The following THAP5 variants were observed in gnomAD, a reference collection of about 807,000 sequenced individuals.
The protein encoded by THAP5 is THAP domain-containing protein 5.
A neutral mutation model predicts 34.0 loss-of-function variants in THAP5; 26 were observed. The ratio of observed to expected loss-of-function variants is 0.77; its 90% CI spans 0.56 to 1.06. The LOEUF (loss-of-function observed/expected upper bound fraction) is 1.06. THAP5 is among the 50% of genes least tolerant of loss of function. The pLI, the probability that THAP5 is intolerant of heterozygous loss-of-function variation, is 0.00. For synonymous variants in THAP5, 125 were observed against 153.0 expected, an observed-to-expected ratio of 0.82 and a Z score of 1.35; for missense variants, 394 against 452.8, an observed-to-expected ratio of 0.87 and a Z score of 1.18.
rs112709864 is a variant in THAP5, at chr7:108,563,462, C to A, written c.*729G>T. On this transcript the variant is annotated 3_prime_UTR_variant, in exon 3 of 3. Coordinates refer to ENST00000415914, the MANE Select transcript of THAP5 (RefSeq NM_001130475.3). ...CTGAGGCAGAAGAATCACTTGAACC[C>A]GGGAGGCAGAGGCTGCAGTGAGCCA... 1.5e-5 allele frequency: 2 copies of A among 135,582 alleles called. No individual in the cohort carries two copies. Among genetic ancestry groups the A allele is most frequent in the African/African-American group, 5.3e-5 (2 of 37,494 alleles). 8.4% of individuals were successfully genotyped at this position (135,582 alleles called of 1,614,324 possible). A position where few individuals can be genotyped will look rare whatever the true frequency, so the allele number is the denominator to read the frequency against.
chr7:108,552,294 C>A (rs1378358512), downstream of THAP5, among the ~76,000 whole-genome samples: 1 of 152,170 alleles, frequency 6.6e-6, no homozygotes, highest in Admixed American at 6.5e-5. Flanking sequence ...GCACCCCACA[C>A]TCCCCAATTC....
chr7:108,559,857 C>A (rs1218180401), downstream of THAP5, among the ~76,000 whole-genome samples: 2 of 152,036 alleles, frequency 1.3e-5, no homozygotes, highest in Admixed American at 1.3e-4. Flanking sequence ...AAAACTGCCC[C>A]CATGATCCAA....
downstream of THAP5, among the ~76,000 whole-genome samples, chr7:108,560,153 T>C (rs2286258): frequency 1.6e-4 from 25 of 152,360 alleles, no homozygotes; most frequent in East Asian, 4.4e-3. Flanking sequence ...TGGTTCTTAC[T>C]TTCTCTGATG....
At chr7:108,547,251 T>C in the THAP5 span, among the ~76,000 whole-genome samples, 1 of 152,222 alleles carries the variant, frequency 6.6e-6, no homozygotes, top group Admixed American at 6.5e-5. Context: ...TCATCCGTGG[T>C]TCAGGTACAT....
chr7:108,566,250 A>G (rs1017109503), intron 1 of THAP5, among the ~76,000 whole-genome samples: 1 of 152,208 alleles, frequency 6.6e-6, no homozygotes, highest in Non-Finnish European at 1.5e-5. Context: ...CTCTTATCTG[A>G]TAAGAGCTGA....
chr7:108,544,625 C>G, the THAP5 span, among the ~76,000 whole-genome samples: 1 of 151,552 alleles, frequency 6.6e-6, no homozygotes, highest in Admixed American at 6.6e-5. Flanking sequence ...GCTTATGAAA[C>G]AAACTCTCCA....
rs540464646 is a variant in THAP5, at chr7:108,569,651, G to A, written c.-82C>T. 9 of 1,511,674 alleles carry A rather than the reference G, an allele frequency of 6.0e-6. No individual in the cohort carries two copies. Among genetic ancestry groups the A allele is most frequent in the South Asian group, 2.4e-5 (2 of 83,330 alleles). 93.6% of individuals were successfully genotyped at this position (1,511,674 alleles called of 1,614,324 possible). On this transcript the variant is annotated 5_prime_UTR_variant, in exon 1 of 3. Coordinates refer to ENST00000415914, the MANE Select transcript of THAP5 (RefSeq NM_001130475.3). The stretch of plus-strand genomic sequence containing the variant: ...TCACTGAGGATGCGCCACAGGTCCA[G>A]GCCTCTCGAGCCCCTGCGCCTGCGC...
At chr7:108,557,804 T>C (rs1481312452), downstream of THAP5, among the ~76,000 whole-genome samples, 2 of 152,204 alleles carry the variant, frequency 1.3e-5, no homozygotes, top group Non-Finnish European at 2.9e-5. Context: ...TTGATAGCAG[T>C]ATCCCACTCC....
At chr7:108,549,627 G>C (rs771596037), downstream of THAP5, among the ~76,000 whole-genome samples, 4 of 151,944 alleles carry the variant, frequency 2.6e-5, no homozygotes, top group Non-Finnish European at 5.9e-5. Context: ...ACATTATTTT[G>C]ACCATGTAAA....
At chr7:108,556,637 C>T (rs1864387692) in intron 1 of THAP5, among the ~76,000 whole-genome samples, 1 of 152,228 alleles carries the variant, frequency 6.6e-6, no homozygotes, top group Admixed American at 6.5e-5. Flanking sequence ...AGCTCTTCCC[C>T]TGTGACTCTA....
downstream of THAP5, among the ~76,000 whole-genome samples, chr7:108,552,790 ACT>A (rs1457147724): frequency 8.9e-6 from 1 of 112,828 alleles, no homozygotes; most frequent in African/African-American, 3.4e-5. Flanking sequence ...AGAGAGCGAG[ACT>A]CTGTCTCAGG....
In THAP5 at chr7:108,569,684, C is replaced by T. The variant is rs1790573030; in HGVS notation, c.-115G>A. ...GAGCCCCTGCGCCTGCGCTAGCATTCTGCCGGGAAAGCCGCCTCGTCTGTC... is the reference window on the plus strand; with the variant it reads ...GAGCCCCTGCGCCTGCGCTAGCATTTTGCCGGGAAAGCCGCCTCGTCTGTC... On this transcript the variant is annotated 5_prime_UTR_variant, in exon 1 of 3. Transcript: ENST00000415914. 5 of 1,388,676 alleles carry T rather than the reference C, an allele frequency of 3.6e-6. No homozygotes were observed. The highest frequency in any genetic ancestry group is 2.2e-5 in the Admixed American group (1 of 45,690). The allele number at this position is 1,388,676 out of a possible 1,614,324, so 86.0% of individuals were successfully genotyped here.
At position 108,563,957 on chromosome 7, in the gene THAP5, G is replaced by C. The variant is rs1388709074; in HGVS notation, c.*234C>G. The C allele has an allele frequency of 2.7e-6, 1 of 365,520 alleles. No homozygotes were observed. The highest frequency in any genetic ancestry group is 2.1e-5 in the African/African-American group (1 of 47,996). 22.6% of individuals were successfully genotyped at this position (365,520 alleles called of 1,614,324 possible). ...ATGTTATAACTGAATCCTTCTATGT[G>C]CTAAATTTTAATTTGGAAAATTATC... is the stretch of plus-strand genomic sequence containing the variant. On this transcript the variant is annotated 3_prime_UTR_variant, in exon 3 of 3. Coordinates refer to ENST00000415914, the MANE Select transcript of THAP5 (RefSeq NM_001130475.3).
the THAP5 span, among the ~76,000 whole-genome samples, chr7:108,548,150 G>T: frequency 6.6e-6 from 1 of 152,162 alleles, no homozygotes; most frequent in African/African-American, 2.4e-5. Flanking sequence ...AACAGGACCT[G>T]CCTGAATAAT....
rs869034514 is a variant in THAP5 at position 108,563,537 on chromosome 7, C to CAAAAAAAAA, written c.*645_*653dup. Reference sequence around the variant, plus strand: ...TGGGTTACAGAGTGAGACTCCATCTCAAAAAAAAAAAAAAAAAAAAAAAAA... The same window carrying CAAAAAAAAA: ...TGGGTTACAGAGTGAGACTCCATCTCAAAAAAAAAAAAAAAAAAAAAAAAAAAAAAAAAA... On this transcript the variant is annotated 3_prime_UTR_variant, in exon 3 of 3. Transcript: ENST00000415914. The CAAAAAAAAA allele has an allele frequency of 8.8e-5, 6 of 68,444 alleles. No individual in the cohort carries two copies. The highest frequency in any genetic ancestry group is 4.0e-4 in the Admixed American group (2 of 4,962). The allele number at this position is 68,444 out of a possible 1,614,324, so 4.2% of individuals were successfully genotyped here. A position where few individuals can be genotyped will look rare whatever the true frequency, so the allele number is the denominator to read the frequency against.
chr7:108,557,158 C>T (rs973826987), downstream of THAP5, among the ~76,000 whole-genome samples: 25 of 152,366 alleles, frequency 1.6e-4, no homozygotes, highest in Middle Eastern at 3.4e-3. Flanking sequence ...CCTGGGCCTC[C>T]AGGCCTGTGA....
At chr7:108,549,106 AC>A in the THAP5 span, among the ~76,000 whole-genome samples, 4 of 148,528 alleles carry the variant, frequency 2.7e-5, no homozygotes, top group Non-Finnish European at 5.9e-5. Flanking sequence ...ACACACACAC[AC>A]ACACACACAC....
rs187544353 is a variant in THAP5 at position 108,563,673 on chromosome 7, A to G, written c.*518T>C. ...AAATACTGAAAATAATACATGGTTAATATCATCAAATTCTAGCCAACTTCT... is the reference window on the plus strand; with the variant it reads ...AAATACTGAAAATAATACATGGTTAGTATCATCAAATTCTAGCCAACTTCT... On this transcript the variant is annotated 3_prime_UTR_variant, in exon 3 of 3. Transcript: ENST00000415914. The G allele has an allele frequency of 3.9e-5, 6 of 152,378 alleles. No homozygotes were observed. Among genetic ancestry groups the G allele is most frequent in the African/African-American group, 1.2e-4 (5 of 41,564 alleles). 9.4% of individuals were successfully genotyped at this position (152,378 alleles called of 1,614,324 possible).
rs982069217 is a variant in THAP5 at position 108,562,980 on chromosome 7, G to A, written c.*1211C>T. 2.0e-5 allele frequency: 3 copies of A among 151,544 alleles called. No homozygotes were observed. Among genetic ancestry groups the A allele is most frequent in the African/African-American group, 7.3e-5 (3 of 41,192 alleles). The allele number at this position is 151,544 out of a possible 1,614,324, so 9.4% of individuals were successfully genotyped here. A position where few individuals can be genotyped will look rare whatever the true frequency, so the allele number is the denominator to read the frequency against. On this transcript the variant is annotated 3_prime_UTR_variant, in exon 3 of 3. Coordinates refer to ENST00000415914, the MANE Select transcript of THAP5 (RefSeq NM_001130475.3). ...TATTCTGGAATTTAACAATGAATAA[G>A]CACATATTTTAAAGGCCACACCTAC...
Sources: gnomAD v4.1 joint callset for allele counts (sites outside exome capture counted in the v4.1 genomes callset) on GRCh38, gnomAD v4.1.1 for gene constraint, MANE v1.5 for transcripts, NCBI Gene and HGNC (gene_info 2026-07-23, HGNC 2026-07-21) for gene names.